The following EPHA5 variants were observed in gnomAD, a reference collection of about 807,000 sequenced individuals.
The protein encoded by EPHA5 is EPH receptor A5.
EPHA5 carries 60 observed loss-of-function variants against 105.0 expected under a neutral mutation model. The ratio of observed to expected loss-of-function variants is 0.57; its 90% CI spans 0.46 to 0.71. The LOEUF is 0.71. Among genes scored for constraint, EPHA5 ranks in the 30% least tolerant of loss-of-function variants. EPHA5 has a pLI of 0.00. For synonymous variants in EPHA5, 513 were observed against 449.1 expected, an observed-to-expected ratio of 1.14 and a Z score of -1.80; for missense variants, 1,218 against 1,274.7, an observed-to-expected ratio of 0.96 and a Z score of 0.68.
intron 2 of EPHA5, among the ~76,000 whole-genome samples, chr4:65,610,411 C>T (rs4292376): frequency 0.56 from 85,531 of 151,714 alleles, 24,357 homozygotes; most frequent in Middle Eastern, 0.68. Context: ...GCTGCCTATC[C>T]GGTACTATGC....
Position 65,347,129 on chromosome 4 carries a change from A to G in EPHA5, c.2595+925T>C, listed in dbSNP as rs372877386. Among the ~76,000 whole-genome samples, 13 of 152,304 alleles carry G rather than the reference A, an allele frequency of 8.5e-5. No homozygotes were observed. The South Asian group carries it at 2.7e-3, about 32-fold the overall frequency. ...ATAGTATCTGTCTAACCAACCCTGA[A>G]GGCATGAGAGAGGGAGGTTTTATGG... On this transcript the variant is annotated intron_variant, in intron 14 of 16. Transcript: ENST00000613740.
At chr4:65,388,045 T>C (rs1015212132) in intron 8 of EPHA5, among the ~76,000 whole-genome samples, 11 of 144,354 alleles carry the variant, frequency 7.6e-5, no homozygotes, top group East Asian at 2.2e-4. Flanking sequence ...TCAATTCCCA[T>C]CTATGAGTGA....
chr4:65,534,216 G>A (rs893641558), intron 3 of EPHA5, among the ~76,000 whole-genome samples: 2 of 151,862 alleles, frequency 1.3e-5, no homozygotes, highest in African/African-American at 2.4e-5. Flanking sequence ...GGGTAAAATT[G>A]AAAATTAAAT....
rs1332429733 is a variant in EPHA5, at chr4:65,322,287, A to G, written c.*1827T>C. On this transcript the variant is annotated 3_prime_UTR_variant, in exon 17 of 17. Transcript: ENST00000613740. ...TACTGCTTAAGTAAAGGGTGGGCAG[A>G]ATAGGAAGTAGTTATTTCCCAAAAG... is the stretch of plus-strand genomic sequence containing the variant. The G allele has an allele frequency of 1.3e-5, 3 of 223,808 alleles. No homozygotes were observed. Among genetic ancestry groups the G allele is most frequent in the African/African-American group, 6.7e-5 (3 of 44,820 alleles). 13.9% of individuals were successfully genotyped at this position (223,808 alleles called of 1,614,324 possible).
At chr4:65,662,705 G>A (rs1404639078) in intron 1 of EPHA5, among the ~76,000 whole-genome samples, 1 of 152,144 alleles carries the variant, frequency 6.6e-6, no homozygotes, top group Non-Finnish European at 1.5e-5. Flanking sequence ...GTGAGTGTGT[G>A]AGAGTGTGTA....
rs35420111 is a variant in EPHA5 at position 65,470,194 on chromosome 4, T to C, written c.1402+20183A>G. 2.8e-4 allele frequency among the ~76,000 whole-genome samples: 32 copies of C among 113,722 alleles called. No homozygotes were observed. In the East Asian group the frequency reaches 7.4e-3, roughly 26 times the overall value. 74.6% of individuals were successfully genotyped at this position (113,722 alleles called of 152,430 possible). A position where few individuals can be genotyped will look rare whatever the true frequency, so the allele number is the denominator to read the frequency against. On this transcript the variant is annotated intron_variant, in intron 5 of 16. Transcript: ENST00000613740. Reference sequence around the variant, plus strand: ...GAAGAGTTTTCTTTTTCTTTCTTTGTTTTTTTTTTTTTTCTTGAGACAGAG... The same window carrying C: ...GAAGAGTTTTCTTTTTCTTTCTTTGCTTTTTTTTTTTTTCTTGAGACAGAG...
intron 5 of EPHA5, among the ~76,000 whole-genome samples, chr4:65,462,637 A>C (rs1728237440): frequency 6.6e-6 from 1 of 152,198 alleles, no homozygotes; most frequent in Non-Finnish European, 1.5e-5. Context: ...CTCATCTTCC[A>C]GGAAGCCAGA....
At chr4:65,639,087 T>G (rs1040840165) in intron 2 of EPHA5, among the ~76,000 whole-genome samples, 2 of 152,214 alleles carry the variant, frequency 1.3e-5, no homozygotes, top group Non-Finnish European at 2.9e-5. Context: ...CTTGTAAAAT[T>G]AACTGTTGTT....
intron 5 of EPHA5, among the ~76,000 whole-genome samples, chr4:65,485,567 A>G (rs1023173453): frequency 2.0e-5 from 3 of 152,172 alleles, no homozygotes; most frequent in African/African-American, 4.8e-5. Flanking sequence ...CCATAATGAT[A>G]TAATGTTTTG....
intron 3 of EPHA5, among the ~76,000 whole-genome samples, chr4:65,498,609 C>T (rs1307178898): frequency 6.6e-6 from 1 of 151,710 alleles, no homozygotes; most frequent in African/African-American, 2.4e-5. Context: ...GTAAAATCAA[C>T]TAGGTTTCAT....
intron 3 of EPHA5, among the ~76,000 whole-genome samples, chr4:65,565,700 AAGAT>A (rs1178424952): frequency 6.6e-6 from 1 of 151,678 alleles, no homozygotes; most frequent in African/African-American, 2.4e-5. Context: ...TTAAAAAAAA[AAGAT>A]AATCTGTAAA....
At chr4:65,593,675 A>G (rs536128923) in intron 3 of EPHA5, among the ~76,000 whole-genome samples, 1 of 152,316 alleles carries the variant, frequency 6.6e-6, no homozygotes, top group African/African-American at 2.4e-5. Context: ...AACATTTAAT[A>G]TTTCACAGAG....
Position 65,348,070 on chromosome 4 carries a change from T to C in EPHA5, c.2579A>G (p.Glu860Gly), listed in dbSNP as rs777837022. The C allele has an allele frequency of 1.9e-6, 3 of 1,607,030 alleles. No individual in the cohort carries two copies. Among genetic ancestry groups the C allele is most frequent in the Non-Finnish European group, 2.5e-6 (3 of 1,177,032 alleles). The change falls in exon 14 of 17, where the codon GAG (glutamate) becomes GGG (glycine). Residue 860 changes from glutamate to glycine, a missense_variant. Physicochemically the swap from Glu to Gly is moderately conservative, Grantham distance 98. Coordinates refer to ENST00000613740, the MANE Select transcript of EPHA5 (RefSeq NM_001281766.3). The part of the protein sequence containing the change: ...VVSYGERPYW[E>G]MTNQDVIKAV... ...CATACTCACATCTTGATTGGTCATC[T>C]CCCAGTAGGGTCTCTCTCCATAAGA... is the stretch of plus-strand genomic sequence containing the variant.
intron 8 of EPHA5, among the ~76,000 whole-genome samples, chr4:65,395,671 G>T (rs1375598995): frequency 6.6e-6 from 1 of 152,140 alleles, no homozygotes; most frequent in Non-Finnish European, 1.5e-5. Flanking sequence ...AACATAAGGA[G>T]AAATAGGATT....
At chr4:65,636,076 A>T (rs941239297) in intron 2 of EPHA5, among the ~76,000 whole-genome samples, 1 of 152,190 alleles carries the variant, frequency 6.6e-6, no homozygotes, top group African/African-American at 2.4e-5. Flanking sequence ...AATGAGATTT[A>T]TATAAAACAA....
intron 1 of EPHA5, among the ~76,000 whole-genome samples, chr4:65,668,783 C>G (rs1444335146): frequency 6.6e-6 from 1 of 152,060 alleles, no homozygotes; most frequent in African/African-American, 2.4e-5. Context: ...CAGAGCAGGT[C>G]TTTTCCGTCT....
chr4:65,522,411 C>A (rs191230862), intron 3 of EPHA5, among the ~76,000 whole-genome samples: 1 of 150,992 alleles, frequency 6.6e-6, no homozygotes, highest in South Asian at 2.1e-4. Flanking sequence ...TTCATACTGG[C>A]GAGGAAAAGA....
intron 3 of EPHA5, among the ~76,000 whole-genome samples, chr4:65,584,301 A>G (rs1390221105): frequency 1.3e-5 from 2 of 151,912 alleles, no homozygotes; most frequent in African/African-American, 2.4e-5. Flanking sequence ...TCTGAGAAAT[A>G]TATCTTAATT....
rs1719579165 is a variant in EPHA5 at position 65,320,751 on chromosome 4, T to A, written c.*3363A>T. On this transcript the variant is annotated 3_prime_UTR_variant, in exon 17 of 17. Coordinates refer to ENST00000613740, the MANE Select transcript of EPHA5 (RefSeq NM_001281766.3). ...TTTAAACTTGAAACATGAAACTGTG[T>A]CTTCACTTTTTTACACTGGTCAAAA... 2 of 230,150 alleles carry A rather than the reference T, an allele frequency of 8.7e-6. No homozygotes were observed. The highest frequency in any genetic ancestry group is 2.2e-5 in the African/African-American group (1 of 45,138). 14.3% of individuals were successfully genotyped at this position (230,150 alleles called of 1,614,324 possible).
Sources: allele counts gnomAD v4.1 joint callset (sites outside exome capture counted in the v4.1 genomes callset), GRCh38; gene constraint gnomAD v4.1.1; transcripts MANE v1.5; gene names NCBI Gene and HGNC (gene_info 2026-07-23, HGNC 2026-07-21).